Variants in ERMARD observed in about 807,000 individuals in gnomAD.
ERMARD encodes the protein endoplasmic reticulum membrane-associated RNA degradation protein.
Under a neutral mutation model 83.9 loss-of-function variants are expected in ERMARD, and 71 were observed. That is an observed-to-expected ratio of 0.85 (90% CI 0.70 to 1.03). The LOEUF (loss-of-function observed/expected upper bound fraction) is 1.03, where lower values mean the gene tolerates loss of function less well. ERMARD is among the 50% of genes least tolerant of loss of function. The probability of loss-of-function intolerance (pLI) is 0.00; values close to 1 mark genes in which losing one functional copy is unlikely to be tolerated. For missense variants in ERMARD, 838 were observed against 810.9 expected (o/e 1.03, Z -0.41); for synonymous variants, 284 against 298.6 (o/e 0.95, Z 0.50).
chr6:169,765,996 A>T (rs1792153915), intron 9 of ERMARD, among the ~76,000 whole-genome samples: 1 of 79,902 alleles, frequency 1.3e-5, no homozygotes, highest in Non-Finnish European at 2.5e-5. Context: ...TGATTTCGTC[A>T]TGCTGTCTGT....
At chr6:169,753,233 A>T (rs1455088944) in intron 1 of ERMARD, 1 of 154,322 alleles carries the variant, frequency 6.5e-6, no homozygotes, top group Non-Finnish European at 1.5e-5. Flanking sequence ...CTTTGGGCGG[A>T]AGAGGGGGAG....
At chr6:169,751,341 C>T (rs747729410), upstream of ERMARD, 94 of 1,613,622 alleles carry the variant, frequency 5.8e-5, 2 homozygotes, top group South Asian at 9.9e-4. Context: ...GCACTCACTG[C>T]CTCCTTCTCG....
intron 4 of ERMARD, 137 bp from the exon 5 acceptor site, chr6:169,756,582 A>G: frequency 1.0e-6 from 1 of 954,796 alleles, no homozygotes; most frequent in Non-Finnish European, 1.6e-6. Flanking sequence ...TTCCCTTTTG[A>G]ATGATTATGA....
intron 5 of ERMARD, among the ~76,000 whole-genome samples, chr6:169,758,422 G>T (rs1247787315): frequency 6.6e-6 from 1 of 152,220 alleles, no homozygotes; most frequent in Non-Finnish European, 1.5e-5. Context: ...AGATGGTGGG[G>T]TGGATAAGTG....
At chr6:169,771,472 T>TA (rs1226933588) in intron 12 of ERMARD, 3 of 152,168 alleles carry the variant, frequency 2.0e-5, no homozygotes, top group African/African-American at 7.2e-5. Context: ...GCTTTACTTT[T>TA]AAAAAAATTA....
chr6:169,751,739 C>A (rs1790127880), intron 1 of ERMARD, 76 bp downstream of exon 1: 4 of 1,467,902 alleles, frequency 2.7e-6, no homozygotes, highest in Non-Finnish European at 2.7e-6. Context: ...TGCTCGGCTA[C>A]GCGGAGTGGG....
intron 2 of ERMARD, among the ~76,000 whole-genome samples, chr6:169,754,998 ATTC>A (rs1790619699): frequency 6.6e-6 from 1 of 151,964 alleles, no homozygotes; most frequent in African/African-American, 2.4e-5. Flanking sequence ...GGTTTTCTGT[ATTC>A]TTATGTACAG....
At chr6:169,780,366 C>T (rs978741706) in intron 17 of ERMARD, among the ~76,000 whole-genome samples, 1 of 152,190 alleles carries the variant, frequency 6.6e-6, no homozygotes, top group African/African-American at 2.4e-5. Context: ...CTCCTCTAGA[C>T]AAAGTGTCTG....
chr6:169,768,273 A>G lies in ERMARD; in HGVS notation c.1059+102A>G. The G allele has an allele frequency of 2.9e-6, 3 of 1,051,344 alleles. No individual in the cohort carries two copies. In the South Asian group the frequency reaches 4.3e-5, roughly 15 times the overall value. 65.1% of individuals were successfully genotyped at this position (1,051,344 alleles called of 1,614,324 possible). A position where few individuals can be genotyped will look rare whatever the true frequency, so the allele number is the denominator to read the frequency against. On this transcript the variant is annotated intron_variant, in intron 11 of 17. Coordinates refer to ENST00000366773, the MANE Select transcript of ERMARD (RefSeq NM_018341.3). ...TTTTGGCTTGTGGTTTGCTCAAGAA[A>G]AATACTTCTGAAACATTGCTGTGCT... is the stretch of plus-strand genomic sequence containing the variant.
Position 169,781,378 on chromosome 6 carries a change from C to T in ERMARD, c.1902C>T (p.Thr634=). ...LQYTENLVAY[T]SYEKNKWNET... ...ACACGGAGAACCTGGTGGCTTACACCAGTTACGAAAAGAACAAGTGGAATG... is the reference window on the plus strand; with the variant it reads ...ACACGGAGAACCTGGTGGCTTACACTAGTTACGAAAAGAACAAGTGGAATG... Residue 634 remains threonine, a synonymous_variant, in exon 18 of 18, where the codon ACC becomes ACT. Transcript: ENST00000366773. 6.2e-7 allele frequency: 1 copy of T among 1,612,392 alleles called. No homozygotes were observed. Among genetic ancestry groups the T allele is most frequent in the Non-Finnish European group, 8.5e-7 (1 of 1,179,646 alleles).
At chr6:169,751,555 C>G, upstream of ERMARD, 5 of 1,610,428 alleles carry the variant, frequency 3.1e-6, no homozygotes, top group Non-Finnish European at 4.2e-6. Flanking sequence ...CCCACCTGCG[C>G]CTCGTACGGT....
intron 8 of ERMARD, among the ~76,000 whole-genome samples, chr6:169,761,555 A>C (rs1791553854): frequency 6.6e-6 from 1 of 152,196 alleles, no homozygotes; most frequent in South Asian, 2.1e-4. Flanking sequence ...TGAGTTAGAC[A>C]GTCCTTTGAT....
chr6:169,776,956 T>G (rs1179319035), intron 16 of ERMARD, among the ~76,000 whole-genome samples: 2 of 152,198 alleles, frequency 1.3e-5, no homozygotes, highest in African/African-American at 4.8e-5. Flanking sequence ...AGTTTGCTTT[T>G]ACACATTTTA....
At chr6:169,775,838 C>T (rs1435978274) in intron 14 of ERMARD, 102 bp from the exon 15 acceptor site, 2 of 1,378,010 alleles carry the variant, frequency 1.5e-6, no homozygotes, top group Non-Finnish European at 2.0e-6. Flanking sequence ...GTGAGATTCA[C>T]AGTCAGGTCG....
At chr6:169,773,296 A>G in intron 12 of ERMARD, 23 bp from the exon 13 acceptor site, 1 of 1,609,648 alleles carries the variant, frequency 6.2e-7, no homozygotes. Context: ...ACATGATAGT[A>G]ACCACTGTTT....
intron 5 of ERMARD, 39 bp from the exon 6 acceptor site, chr6:169,758,929 A>C (rs1435852446): frequency 6.6e-7 from 1 of 1,526,106 alleles, no homozygotes; most frequent in South Asian, 1.2e-5. Flanking sequence ...TTTATTCAGT[A>C]ATTCAGTATA....
chr6:169,777,954 G>T (rs182854104), intron 16 of ERMARD, among the ~76,000 whole-genome samples: 3 of 152,316 alleles, frequency 2.0e-5, no homozygotes, highest in African/African-American at 7.2e-5. Context: ...TCAGGGTCAG[G>T]GTTGTGGGTG....
chr6:169,759,193 C>G, intron 6 of ERMARD, 128 bp downstream of exon 6: 1 of 831,094 alleles, frequency 1.2e-6, no homozygotes, highest in Non-Finnish European at 1.9e-6. Flanking sequence ...GATTTTGAAG[C>G]TAAAATTGAA....
chr6:169,756,586 A>G (rs1790846362), intron 4 of ERMARD, 133 bp from the exon 5 acceptor site: 1 of 962,088 alleles, frequency 1.0e-6, no homozygotes, highest in Non-Finnish European at 1.6e-6. Context: ...CTTTTGAATG[A>G]TTATGAAATC....
Sources: gnomAD v4.1 joint callset for allele counts (sites outside exome capture counted in the v4.1 genomes callset) on GRCh38, gnomAD v4.1.1 for gene constraint, MANE v1.5 for transcripts, NCBI Gene and HGNC (gene_info 2026-07-23, HGNC 2026-07-21) for gene names.